DMD: variants seen among roughly 807,000 people sequenced by gnomAD.
DMD encodes mutant dystrophin.
A neutral mutation model predicts 330.1 loss-of-function variants in DMD; 63 were observed. That is an observed-to-expected ratio of 0.19 (90% CI 0.16 to 0.24). The LOEUF is 0.24. DMD is among the 10% of genes least tolerant of loss of function. DMD has a pLI of 1.00. For missense variants in DMD, 3,344 were observed against 2,684.1 expected, an observed-to-expected ratio of 1.25 and a Z score of -5.43; for synonymous variants, 1,223 against 959.8, an observed-to-expected ratio of 1.27 and a Z score of -5.07.
At chrX:31,730,929 A>G (rs1197863339) in intron 51 of DMD, among the ~76,000 whole-genome samples, 2 of 111,087 alleles carry the variant, frequency 1.8e-5, no homozygotes, top group Non-Finnish European at 3.8e-5. Flanking sequence ...CTGTACTTTG[A>G]CTCCTGCTGA....
At chrX:33,039,380 A>G (rs2094259890) in intron 1 of DMD, among the ~76,000 whole-genome samples, 1 of 107,734 alleles carries the variant, frequency 9.3e-6, no homozygotes, top group African/African-American at 3.4e-5. Context: ...AACAAACAAA[A>G]CAAAAAGGCC....
chrX:32,744,781 A>G, intron 7 of DMD, among the ~76,000 whole-genome samples: 2 of 111,935 alleles, frequency 1.8e-5, no homozygotes. Context: ...TTCAGGATAT[A>G]AACACTTTTC....
intron 15 of DMD, among the ~76,000 whole-genome samples, chrX:32,570,905 AGATATT>A (rs1165178078): frequency 8.9e-6 from 1 of 111,993 alleles, no homozygotes; most frequent in Non-Finnish European, 1.9e-5. Flanking sequence ...AACTTTGACT[AGATATT>A]AAGATTTGGA....
intron 52 of DMD, among the ~76,000 whole-genome samples, chrX:31,686,122 T>A (rs2082672497): frequency 8.9e-6 from 1 of 112,012 alleles, no homozygotes; most frequent in Admixed American, 9.5e-5. Flanking sequence ...TTTAAAAAAA[T>A]CCTTCTCTGG....
At chrX:33,037,375 A>C (rs932995979) in intron 1 of DMD, among the ~76,000 whole-genome samples, 3 of 110,971 alleles carry the variant, frequency 2.7e-5, no homozygotes, top group Non-Finnish European at 5.7e-5. Flanking sequence ...GAAAAAAAAA[A>C]AACCCTGATG....
intron 7 of DMD, among the ~76,000 whole-genome samples, chrX:32,702,631 T>A (rs1006396958): frequency 6.3e-5 from 7 of 111,477 alleles, no homozygotes; most frequent in African/African-American, 2.3e-4. Context: ...AAGTAAATTC[T>A]TTAAGTACAG....
chrX:31,694,617 C>CATATATATGT (rs1556821029), intron 52 of DMD, among the ~76,000 whole-genome samples: 6 of 58,186 alleles, frequency 1.0e-4, no homozygotes, highest in African/African-American at 4.5e-4. Context: ...TGACAAACAG[C>CATATATATGT]ATATATATAT....
At chrX:31,453,267 T>C (rs1168720624) in intron 59 of DMD, among the ~76,000 whole-genome samples, 1 of 110,979 alleles carries the variant, frequency 9.0e-6, no homozygotes, top group Non-Finnish European at 1.9e-5. Flanking sequence ...GTTCAAGCAA[T>C]TCTGCTGCCT....
intron 1 of DMD, among the ~76,000 whole-genome samples, chrX:33,276,039 A>C (rs113641118): frequency 0.011 from 1,228 of 112,003 alleles, 20 homozygotes; most frequent in African/African-American, 0.038. Flanking sequence ...ATTTATGTAC[A>C]TATGCATACC....
At chrX:32,581,535 A>G (rs993456247) in intron 13 of DMD, among the ~76,000 whole-genome samples, 1 of 112,340 alleles carries the variant, frequency 8.9e-6, no homozygotes, top group African/African-American at 3.2e-5. Flanking sequence ...GTAATTTTAG[A>G]TGCAATAGAC....
At chrX:33,225,262 T>C (rs746129207) in intron 1 of DMD, among the ~76,000 whole-genome samples, 216 of 111,721 alleles carry the variant, frequency 1.9e-3, no homozygotes, top group African/African-American at 6.4e-3. Context: ...TAAAACAATG[T>C]TGAAAAGGAA....
intron 1 of DMD, among the ~76,000 whole-genome samples, chrX:33,267,421 C>T (rs772217785): frequency 6.6e-4 from 73 of 111,293 alleles, no homozygotes; most frequent in African/African-American, 2.3e-3. Context: ...AATGGCTATA[C>T]TGCACAAAAC....
chrX:31,577,904 T>C (rs1443910221), intron 55 of DMD, among the ~76,000 whole-genome samples: 8 of 111,693 alleles, frequency 7.2e-5, no homozygotes, highest in Non-Finnish European at 1.1e-4. Flanking sequence ...TCATTTTATT[T>C]GTAAATTAGT....
chrX:32,660,961 A>G lies in DMD; in HGVS notation c.961-15809T>C, dbSNP rs745989239. 2.7e-5 allele frequency among the ~76,000 whole-genome samples: 3 copies of G among 111,456 alleles called. No individual in the cohort carries two copies. In the Admixed American group the frequency reaches 2.9e-4, roughly 11 times the overall value. On this transcript the variant is annotated intron_variant, in intron 9 of 78. Coordinates refer to ENST00000357033, the MANE Select transcript of DMD (RefSeq NM_004006.3). ...TTCATAGACATAGCAGCACATCAAG[A>G]GCACCAAAAACGCTAATAAATAAGA...
intron 1 of DMD, among the ~76,000 whole-genome samples, chrX:33,260,321 A>T (rs6631765): frequency 0.072 from 7,984 of 110,980 alleles, 707 homozygotes; most frequent in African/African-American, 0.25. Context: ...AAAGATTTTA[A>T]AAAAATTCTT....
intron 45 of DMD, among the ~76,000 whole-genome samples, chrX:31,933,018 C>G (rs750571952): frequency 1.2e-3 from 137 of 111,220 alleles, no homozygotes; most frequent in African/African-American, 4.4e-3. Context: ...TTTCAAGGCA[C>G]TGCCAAATAT....
At chrX:32,094,997 G>A (rs893779370) in intron 44 of DMD, among the ~76,000 whole-genome samples, 5 of 111,410 alleles carry the variant, frequency 4.5e-5, no homozygotes, top group African/African-American at 9.8e-5. Context: ...GGTAAATGGC[G>A]AACAGGAGAG....
At chrX:32,408,998 T>G (rs1307312857) in intron 30 of DMD, among the ~76,000 whole-genome samples, 1 of 110,350 alleles carries the variant, frequency 9.1e-6, no homozygotes, top group Non-Finnish European at 1.9e-5. Flanking sequence ...AGTGGATCCT[T>G]CATCTTACAC....
In DMD at chrX:31,535,679, T is replaced by C. The variant is rs746680737; in HGVS notation, c.8218-28226A>G. On this transcript the variant is annotated intron_variant, in intron 55 of 78. Coordinates refer to ENST00000357033, the MANE Select transcript of DMD (RefSeq NM_004006.3). ...AGCCCAGTTTACTGTATGATTGTTT[T>C]AGCCACCTTTTCCCCCTCCAATCTT... Among the ~76,000 whole-genome samples, 8 of 111,882 alleles carry C rather than the reference T, an allele frequency of 7.2e-5. No homozygotes were observed. In the South Asian group the frequency reaches 3.0e-3, roughly 42 times the overall value.
Sources: gnomAD v4.1 joint callset for allele counts (sites outside exome capture counted in the v4.1 genomes callset) on GRCh38, gnomAD v4.1.1 for gene constraint, MANE v1.5 for transcripts, NCBI Gene and HGNC (gene_info 2026-07-23, HGNC 2026-07-21) for gene names.